The following OR2T12 variants were observed in gnomAD, a reference collection of about 807,000 sequenced individuals.
The protein encoded by OR2T12 is olfactory receptor 2T12.
For synonymous variants in OR2T12, 127 were observed against 160.5 expected, an observed-to-expected ratio of 0.79 and a Z score of 1.58; for missense variants, 335 against 404.3, an observed-to-expected ratio of 0.83 and a Z score of 1.47.
rs1341508583 is a variant in OR2T12 at position 248,294,864 on chromosome 1, A to G, written c.715T>C (p.Cys239Arg). 1.2e-6 allele frequency: 2 copies of G among 1,612,414 alleles called. No homozygotes were observed. The highest frequency in any genetic ancestry group is 2.7e-5 in the African/African-American group (2 of 74,860). Residue 239 changes from cysteine (C) to arginine (R), a missense_variant, in exon 3 of 3, where the codon TGC (cysteine) becomes CGC (arginine). Transcript: ENST00000641276. ...CCCACCACAGCCACATGTGAAGAGCAGGTGGCAAAGGCCTTCTTGCGGGCT... is the reference window on the plus strand; with the variant it reads ...CCCACCACAGCCACATGTGAAGAGCGGGTGGCAAAGGCCTTCTTGCGGGCT... ...TEARKKAFAT[C>R]SSHVAVVGLF... is the part of the protein sequence containing the mutation.
chr1:248,298,688 G>A (rs948034767), intron 2 of OR2T12, among the ~76,000 whole-genome samples: 6 of 151,236 alleles, frequency 4.0e-5, no homozygotes, highest in African/African-American at 7.3e-5. Flanking sequence ...CTGTGGGATC[G>A]GTGGTGATAT....
In OR2T12 at chr1:248,290,745, CTTTATTTTATTATACT is replaced by C. The variant is rs1205263855; in HGVS notation, c.*3855_*3870del. On this transcript the variant is annotated 3_prime_UTR_variant, in exon 3 of 3. Coordinates refer to ENST00000641276, the MANE Select transcript of OR2T12 (RefSeq NM_001004692.2). ...GTCTGTTGTTTCCTGACTTTTTTTA[CTTTATTTTATTATACT>C]TTAAGTTTTAGGGTACATGTGCACA... is the stretch of plus-strand genomic sequence containing the variant. The C allele has an allele frequency of 6.6e-6, 1 of 151,936 alleles. No individual in the cohort carries two copies. The highest frequency in any genetic ancestry group is 1.9e-4 in the East Asian group (1 of 5,184). The allele number at this position is 151,936 out of a possible 1,614,324, so 9.4% of individuals were successfully genotyped here. A position where few individuals can be genotyped will look rare whatever the true frequency, so the allele number is the denominator to read the frequency against.
chr1:248,299,192 C>T (rs1476101939), intron 2 of OR2T12, among the ~76,000 whole-genome samples: 1 of 152,096 alleles, frequency 6.6e-6, no homozygotes, highest in Non-Finnish European at 1.5e-5. Context: ...ACAATATTAA[C>T]TTTAAATGTA....
In OR2T12 at chr1:248,293,443, C is replaced by T. The variant is rs1432291422; in HGVS notation, c.*1173G>A. Reference sequence around the variant, plus strand: ...GCCTTTATCATAAAACTCTCTAAGACAATTTGATATCCAGTCTCTGATTAC... The same window carrying T: ...GCCTTTATCATAAAACTCTCTAAGATAATTTGATATCCAGTCTCTGATTAC... On this transcript the variant is annotated 3_prime_UTR_variant, in exon 3 of 3. Coordinates refer to ENST00000641276, the MANE Select transcript of OR2T12 (RefSeq NM_001004692.2). 6.6e-6 allele frequency: 1 copy of T among 152,104 alleles called. No homozygotes were observed. The highest frequency in any genetic ancestry group is 1.5e-5 in the Non-Finnish European group (1 of 67,994). The allele number at this position is 152,104 out of a possible 1,614,324, so 9.4% of individuals were successfully genotyped here. A position where few individuals can be genotyped will look rare whatever the true frequency, so the allele number is the denominator to read the frequency against.
rs1313816509 is a variant in OR2T12 at position 248,294,652 on chromosome 1, T to C, written c.927A>G (p.Leu309=). Reference sequence around the variant, plus strand: ...TGTGGGCCTCATTTTGCTGGTGTTTTAGGTTTACACACGTCCCCAGCCACC... The same window carrying C: ...TGTGGGCCTCATTTTGCTGGTGTTTCAGGTTTACACACGTCCCCAGCCACC... ...LKRWLGTCVN[L]KHQQNEAHRS... The change falls in exon 3 of 3, where the codon CTA becomes CTG. Residue 309 remains leucine, a synonymous_variant. Coordinates refer to ENST00000641276, the MANE Select transcript of OR2T12 (RefSeq NM_001004692.2). 6.2e-6 allele frequency: 10 copies of C among 1,614,006 alleles called. No individual in the cohort carries two copies. Among genetic ancestry groups the C allele is most frequent in the African/African-American group, 4.0e-5 (3 of 74,910 alleles).
Position 248,294,619 on chromosome 1 carries a change from T to TCTTGAC in OR2T12, c.954_959dup (p.Ser319_Arg320dup). 6.2e-7 allele frequency: 1 copy of TCTTGAC among 1,613,584 alleles called. No homozygotes were observed. The highest frequency in any genetic ancestry group is 8.5e-7 in the Non-Finnish European group (1 of 1,179,750). ...CTTAGACTCATCTGACACTAGATCA[T>TCTTGAC]CTTGACCTGTGGGCCTCATTTTGCT... On this transcript the variant is annotated inframe_insertion, in exon 3 of 3. Coordinates refer to ENST00000641276, the MANE Select transcript of OR2T12 (RefSeq NM_001004692.2).
chr1:248,297,475 C>G lies in OR2T12; in HGVS notation c.-8-1889G>C, dbSNP rs1171626605. ...GGCCATTTTCACGATATTGATTCTT[C>G]CTACCCATGAGCATGGAATGTTCTT... On this transcript the variant is annotated intron_variant, in intron 2 of 2. Transcript: ENST00000641276. Among the ~76,000 whole-genome samples the G allele has an allele frequency of 5.9e-5, 9 of 151,936 alleles. No homozygotes were observed. The East Asian group carries it at 1.7e-3, about 29-fold the overall frequency.
intron 2 of OR2T12, 94 bp from the exon 3 acceptor site, chr1:248,295,680 G>A (rs1659715332): frequency 6.8e-7 from 1 of 1,464,418 alleles, no homozygotes; most frequent in Non-Finnish European, 9.2e-7. Flanking sequence ...CATATGTACT[G>A]GATATGTTAT....
intron 2 of OR2T12, 115 bp from the exon 3 acceptor site, chr1:248,295,701 G>T: frequency 7.1e-7 from 1 of 1,400,390 alleles, no homozygotes; most frequent in Non-Finnish European, 9.7e-7. Flanking sequence ...CCCAGGTCGT[G>T]ATTCAAAGCC....
chr1:248,301,919 C>G (rs1659817097), intron 1 of OR2T12, among the ~76,000 whole-genome samples: 1 of 151,742 alleles, frequency 6.6e-6, no homozygotes, highest in African/African-American at 2.4e-5. Context: ...TTTTATGACA[C>G]TGTGATACTG....
Position 248,291,310 on chromosome 1 carries a change from G to A in OR2T12, c.*3306C>T, listed in dbSNP as rs973074015. The A allele has an allele frequency of 5.3e-5, 8 of 151,824 alleles. No homozygotes were observed. The highest frequency in any genetic ancestry group is 1.9e-4 in the African/African-American group (8 of 41,192). The allele number at this position is 151,824 out of a possible 1,614,324, so 9.4% of individuals were successfully genotyped here. ...CCCATACACCAATAATAGACAGAGA[G>A]CCAAATCATGAGTGAATTCCCATTC... On this transcript the variant is annotated 3_prime_UTR_variant, in exon 3 of 3. Coordinates refer to ENST00000641276, the MANE Select transcript of OR2T12 (RefSeq NM_001004692.2).
chr1:248,295,899 A>G (rs1005220097), intron 2 of OR2T12, among the ~76,000 whole-genome samples: 2 of 152,052 alleles, frequency 1.3e-5, no homozygotes, highest in African/African-American at 4.8e-5. Flanking sequence ...ACATGTGCAC[A>G]ATGTGCAGGT....
chr1:248,294,768 C>A lies in OR2T12; in HGVS notation c.811G>T (p.Val271Phe). Residue 271 changes from valine (V) to phenylalanine (F), a missense_variant, in exon 3 of 3, where the codon GTT becomes TTT. Transcript: ENST00000641276. ...KSHRSTNHDK[V>F]VSAFYTMFTP... is the part of the protein sequence containing the mutation. ...AACATAGTATAGAAGGCTGACACAA[C>A]CTTATCGTGGTTAGTGGACCTGTGG... The A allele has an allele frequency of 6.2e-7, 1 of 1,613,982 alleles. No individual in the cohort carries two copies. Among genetic ancestry groups the A allele is most frequent in the Non-Finnish European group, 8.5e-7 (1 of 1,179,950 alleles).
intron 2 of OR2T12, among the ~76,000 whole-genome samples, chr1:248,299,412 A>C (rs934361289): frequency 1.1e-4 from 17 of 152,184 alleles, no homozygotes; most frequent in Non-Finnish European, 2.5e-4. Context: ...CAGACTTTAA[A>C]CCAACAAAGA....
intron 2 of OR2T12, among the ~76,000 whole-genome samples, chr1:248,297,791 C>A: frequency 6.9e-6 from 1 of 145,830 alleles, no homozygotes; most frequent in East Asian, 2.0e-4. Context: ...TCATGTCATC[C>A]GCAAACAGGG....
At chr1:248,300,414 G>C (rs1166180610) in intron 2 of OR2T12, among the ~76,000 whole-genome samples, 1 of 152,060 alleles carries the variant, frequency 6.6e-6, no homozygotes, top group Non-Finnish European at 1.5e-5. Context: ...CCTGATTATT[G>C]GTATCTGAGA....
intron 1 of OR2T12, among the ~76,000 whole-genome samples, chr1:248,301,947 T>C (rs1026965513): frequency 4.0e-5 from 6 of 150,434 alleles, no homozygotes; most frequent in Admixed American, 4.0e-4. Context: ...GCCAGAGCAA[T>C]AGTAACACAG....
chr1:248,302,115 G>A (rs1409475677), intron 1 of OR2T12, among the ~76,000 whole-genome samples: 2 of 151,120 alleles, frequency 1.3e-5, no homozygotes, highest in African/African-American at 2.4e-5. Context: ...GTAGTCCACC[G>A]AGGTTGCTAA....
rs116551357 is a variant in OR2T12, at chr1:248,294,362, G to T, written c.*254C>A. The stretch of plus-strand genomic sequence containing the variant: ...TTTTAAAGATTTGGAGTTTGCAAAA[G>T]AAAAAAAGAAAACTTATATCATGGG... On this transcript the variant is annotated 3_prime_UTR_variant, in exon 3 of 3. Transcript: ENST00000641276. The T allele has an allele frequency of 1.6e-3, 602 of 370,064 alleles. 3 individuals carry two copies. Among genetic ancestry groups the T allele is most frequent in the African/African-American group, 0.012 (567 of 48,312 alleles). 22.9% of individuals were successfully genotyped at this position (370,064 alleles called of 1,614,324 possible). A position where few individuals can be genotyped will look rare whatever the true frequency, so the allele number is the denominator to read the frequency against.
Sources: allele counts gnomAD v4.1 joint callset (sites outside exome capture counted in the v4.1 genomes callset), GRCh38; gene constraint gnomAD v4.1.1; transcripts MANE v1.5; gene names NCBI Gene and HGNC (gene_info 2026-07-23, HGNC 2026-07-21).